SMYD2: variants seen among roughly 807,000 people sequenced by gnomAD.
SMYD2 encodes the protein N-lysine methyltransferase SMYD2.
SMYD2 carries 53 observed loss-of-function variants against 59.1 expected under a neutral mutation model. That is an observed-to-expected ratio of 0.90 (90% confidence interval 0.72 to 1.13). SMYD2 has a LOEUF of 1.13. Ranked by LOEUF, SMYD2 falls within the 50% of genes most tolerant of loss-of-function variation. The probability of loss-of-function intolerance (pLI) is 0.00; values close to 1 mark genes in which losing one functional copy is unlikely to be tolerated. For missense variants in SMYD2, 494 were observed against 544.7 expected, an observed-to-expected ratio of 0.91 and a Z score of 0.93; for synonymous variants, 208 against 198.8, an observed-to-expected ratio of 1.05 and a Z score of -0.39.
intron 7 of SMYD2, among the ~76,000 whole-genome samples, chr1:214,328,419 C>A (rs182601868): frequency 6.6e-6 from 1 of 152,194 alleles, no homozygotes; most frequent in East Asian, 1.9e-4. Context: ...CTTCCCATCA[C>A]CTGCTCAGCG....
intron 1 of SMYD2, among the ~76,000 whole-genome samples, chr1:214,287,215 C>T (rs758101683): frequency 9.9e-5 from 15 of 151,898 alleles, no homozygotes; most frequent in Non-Finnish European, 1.5e-4. Context: ...ATTTTAGGGG[C>T]GTTTTTATGG....
chr1:214,321,003 A>G (rs1381371419), intron 5 of SMYD2, among the ~76,000 whole-genome samples: 3 of 152,340 alleles, frequency 2.0e-5, no homozygotes, highest in Non-Finnish European at 4.4e-5. Context: ...AAGCAGAGAG[A>G]TGAAATAAAC....
At chr1:214,326,237 CAAA>C (rs35269144) in intron 6 of SMYD2, among the ~76,000 whole-genome samples, 12 of 90,758 alleles carry the variant, frequency 1.3e-4, no homozygotes, top group Non-Finnish European at 1.3e-4. Context: ...GACTCCATCT[CAAA>C]AAAAAAAAAA....
At position 214,329,998 on chromosome 1, in the gene SMYD2, G is replaced by A. The variant is rs117474585; in HGVS notation, c.706-170G>A. 2.6e-4 allele frequency among the ~76,000 whole-genome samples: 40 copies of A among 152,372 alleles called. No individual in the cohort carries two copies. In the East Asian group the frequency reaches 7.0e-3, roughly 26 times the overall value. On this transcript the variant is annotated intron_variant, in intron 7 of 11. Transcript: ENST00000366957. ...CACCTTCCAGAGAAAGCCAACGTCAGGTGGCTGCTCAGTTCAGGAATTCCG... is the reference window on the plus strand; with the variant it reads ...CACCTTCCAGAGAAAGCCAACGTCAAGTGGCTGCTCAGTTCAGGAATTCCG...
intron 1 of SMYD2, among the ~76,000 whole-genome samples, chr1:214,301,029 T>C (rs1441655085): frequency 1.3e-5 from 2 of 152,230 alleles, no homozygotes; most frequent in Non-Finnish European, 2.9e-5. Context: ...ACAACTATTA[T>C]GCTAACATTT....
At chr1:214,284,000 C>T (rs553265429) in intron 1 of SMYD2, among the ~76,000 whole-genome samples, 1 of 152,132 alleles carries the variant, frequency 6.6e-6, no homozygotes, top group Admixed American at 6.5e-5. Flanking sequence ...GGGATTCTTA[C>T]GGTCAGGGCA....
intron 5 of SMYD2, among the ~76,000 whole-genome samples, chr1:214,319,921 A>G (rs780213819): frequency 6.6e-6 from 1 of 152,266 alleles, no homozygotes; most frequent in Non-Finnish European, 1.5e-5. Flanking sequence ...GCATTACCTA[A>G]TGTACCCTTT....
chr1:214,320,298 C>T (rs1657153252), intron 5 of SMYD2, among the ~76,000 whole-genome samples: 2 of 152,144 alleles, frequency 1.3e-5, no homozygotes. Context: ...AACACACATA[C>T]ATAACGTAAA....
intron 1 of SMYD2, among the ~76,000 whole-genome samples, chr1:214,295,273 G>A (rs1656706206): frequency 6.6e-6 from 1 of 152,200 alleles, no homozygotes; most frequent in South Asian, 2.1e-4. Context: ...TTAACTGTTA[G>A]AGATTGTGCA....
At chr1:214,293,206 C>T (rs1656667076) in intron 1 of SMYD2, among the ~76,000 whole-genome samples, 1 of 152,092 alleles carries the variant, frequency 6.6e-6, no homozygotes. Context: ...TCGCTTGCCA[C>T]CACGTCTGGC....
At chr1:214,330,064 C>A in intron 7 of SMYD2, 104 bp from the exon 8 acceptor site, 1 of 683,760 alleles carries the variant, frequency 1.5e-6, no homozygotes, top group Non-Finnish European at 2.4e-6. Flanking sequence ...TGCAGCCCGC[C>A]TTATCCTCTG....
intron 1 of SMYD2, among the ~76,000 whole-genome samples, chr1:214,290,858 T>C (rs1186009289): frequency 1.3e-5 from 2 of 152,214 alleles, no homozygotes; most frequent in Non-Finnish European, 2.9e-5. Flanking sequence ...GGGATGTAGG[T>C]ACTGGCTCAT....
At chr1:214,323,744 G>A (rs984618176) in intron 5 of SMYD2, among the ~76,000 whole-genome samples, 4 of 151,894 alleles carry the variant, frequency 2.6e-5, no homozygotes, top group Non-Finnish European at 4.4e-5. Flanking sequence ...CCCGTACAAC[G>A]TTTCTTTTAA....
At chr1:214,298,227 T>C (rs776270970) in intron 1 of SMYD2, among the ~76,000 whole-genome samples, 2 of 151,810 alleles carry the variant, frequency 1.3e-5, no homozygotes, top group Non-Finnish European at 2.9e-5. Flanking sequence ...CAGAACGGAA[T>C]AGAGAACCCA....
intron 2 of SMYD2, among the ~76,000 whole-genome samples, chr1:214,314,443 G>C (rs569059382): frequency 4.6e-5 from 7 of 152,280 alleles, no homozygotes; most frequent in Admixed American, 3.9e-4. Context: ...CAATTTGACA[G>C]CTTGCACAGA....
intron 1 of SMYD2, among the ~76,000 whole-genome samples, chr1:214,292,104 G>GAGAGAA (rs1463867871): frequency 9.9e-5 from 15 of 151,902 alleles, no homozygotes; most frequent in African/African-American, 3.4e-4. Flanking sequence ...GAGAGAGAGA[G>GAGAGAA]AGAGAGAGAG....
At chr1:214,284,514 G>C (rs1229554467) in intron 1 of SMYD2, among the ~76,000 whole-genome samples, 1 of 150,652 alleles carries the variant, frequency 6.6e-6, no homozygotes. Context: ...GGGATTACAG[G>C]CATGAGCCAC....
intron 1 of SMYD2, among the ~76,000 whole-genome samples, chr1:214,284,716 A>C (rs879563843): frequency 1.3e-5 from 2 of 151,950 alleles, no homozygotes; most frequent in Non-Finnish European, 2.9e-5. Flanking sequence ...GGGTTTCATC[A>C]TGTTGGCCAG....
chr1:214,281,583 G>A (rs1000799283), intron 1 of SMYD2, among the ~76,000 whole-genome samples, 156 bp downstream of exon 1: 2 of 151,430 alleles, frequency 1.3e-5, no homozygotes, highest in African/African-American at 2.4e-5. Flanking sequence ...CCCGCGCTGC[G>A]GCCCCGCGCT....
Sources: gnomAD v4.1 joint callset for allele counts (sites outside exome capture counted in the v4.1 genomes callset) on GRCh38, gnomAD v4.1.1 for gene constraint, MANE v1.5 for transcripts, NCBI Gene and HGNC (gene_info 2026-07-23, HGNC 2026-07-21) for gene names.